Variants in RNF180 observed in about 807,000 individuals in gnomAD.
The protein encoded by RNF180 is E3 ubiquitin-protein ligase RNF180.
In RNF180, 38 loss-of-function variants were observed where a neutral mutation model predicts 59.2. The observed-to-expected ratio is 0.64, with a 90% CI of 0.50 to 0.84. The LOEUF (loss-of-function observed/expected upper bound fraction) is 0.84, where lower values mean the gene tolerates loss of function less well. Ranked by LOEUF, RNF180 falls within the 40% of genes least tolerant of loss-of-function variation. The pLI, the probability that RNF180 is intolerant of heterozygous loss-of-function variation, is 0.00. For synonymous variants in RNF180, 262 were observed against 240.3 expected (o/e 1.09, Z -0.84); for missense variants, 705 against 700.9 (o/e 1.01, Z -0.07).
At chr5:64,200,751 GA>G (rs1424672670) in intron 1 of RNF180, 56 bp from the exon 2 acceptor site, 107 of 1,488,522 alleles carry the variant, frequency 7.2e-5, no homozygotes, top group Middle Eastern at 2.1e-4. Context: ...TAAGGATTTA[GA>G]AAGTCCAGTT....
chr5:64,318,009 A>T (rs1260901753), intron 5 of RNF180, among the ~76,000 whole-genome samples: 3 of 152,194 alleles, frequency 2.0e-5, no homozygotes, highest in Non-Finnish European at 4.4e-5. Context: ...AAAGTAAAAA[A>T]CAGAATGGAT....
intron 5 of RNF180, among the ~76,000 whole-genome samples, chr5:64,300,302 T>C (rs1743093325): frequency 6.6e-6 from 1 of 151,836 alleles, no homozygotes; most frequent in Admixed American, 6.6e-5. Flanking sequence ...ATTGCGAAAG[T>C]TAAACCCACA....
intron 5 of RNF180, among the ~76,000 whole-genome samples, chr5:64,232,690 G>A (rs1379517249): frequency 2.0e-5 from 3 of 152,270 alleles, no homozygotes; most frequent in African/African-American, 4.8e-5. Flanking sequence ...ATATTTTTAC[G>A]TGGGAGTCAA....
chr5:64,266,310 G>A (rs1052581783), intron 5 of RNF180, among the ~76,000 whole-genome samples: 15 of 152,092 alleles, frequency 9.9e-5, no homozygotes, highest in African/African-American at 3.6e-4. Context: ...GGGTTGCCAA[G>A]GAAGTTCTGT....
chr5:64,198,878 C>T (rs564319372), intron 1 of RNF180, among the ~76,000 whole-genome samples: 3 of 151,864 alleles, frequency 2.0e-5, no homozygotes, highest in East Asian at 1.9e-4. Flanking sequence ...TGCAGTGGCA[C>T]GATCTCGGCC....
intron 5 of RNF180, among the ~76,000 whole-genome samples, chr5:64,277,493 A>G (rs780796628): frequency 8.5e-5 from 13 of 152,130 alleles, no homozygotes; most frequent in Non-Finnish European, 1.6e-4. Context: ...GGAGTTACCA[A>G]TGTTGCCTCA....
chr5:64,264,160 C>A lies in RNF180; in HGVS notation c.1227+46764C>A, dbSNP rs372211500. ...CTCTTTTCCCTTATTGCCTTCTATC[C>A]AATATACATGTTCTTTGGCAAATGA... On this transcript the variant is annotated intron_variant, in intron 5 of 7. Coordinates refer to ENST00000389100, the MANE Select transcript of RNF180 (RefSeq NM_001113561.2). 3.9e-5 allele frequency among the ~76,000 whole-genome samples: 6 copies of A among 152,060 alleles called. 1 individual carries two copies. In the East Asian group the frequency reaches 7.7e-4, roughly 20 times the overall value.
chr5:64,365,218 T>A, intron 7 of RNF180, among the ~76,000 whole-genome samples: 1 of 151,350 alleles, frequency 6.6e-6, no homozygotes, highest in East Asian at 1.9e-4. Flanking sequence ...ACTCTTCTCA[T>A]TAGTTTCAAA....
intron 5 of RNF180, among the ~76,000 whole-genome samples, chr5:64,234,578 CTTTTTTTTTTTTTTTTTTTTTTTTT>C (rs1171637074): frequency 1.6e-4 from 8 of 48,522 alleles, no homozygotes; most frequent in Non-Finnish European, 2.3e-4. Flanking sequence ...GTTACCCGTT[CTTTTTTTTTTTTTTTTTTTTTTTTT>C]TTTTTTTTTT....
chr5:64,304,207 G>T (rs184264491), intron 5 of RNF180, among the ~76,000 whole-genome samples: 2 of 151,788 alleles, frequency 1.3e-5, no homozygotes, highest in East Asian at 1.9e-4. Flanking sequence ...TCTGCTGGAG[G>T]TGTACAAGGA....
intron 7 of RNF180, among the ~76,000 whole-genome samples, chr5:64,349,031 GCTAAAT>G (rs1745673295): frequency 6.6e-6 from 1 of 152,018 alleles, no homozygotes; most frequent in African/African-American, 2.4e-5. Flanking sequence ...AAAAAAGATT[GCTAAAT>G]AAGTAACCTC....
intron 1 of RNF180, among the ~76,000 whole-genome samples, chr5:64,168,443 A>G (rs1350634686): frequency 1.3e-5 from 2 of 152,222 alleles, no homozygotes; most frequent in South Asian, 4.1e-4. Context: ...GCTTACTTGT[A>G]GGCTGAAGTT....
At chr5:64,169,958 T>C (rs963651149) in intron 1 of RNF180, among the ~76,000 whole-genome samples, 4 of 152,266 alleles carry the variant, frequency 2.6e-5, no homozygotes, top group Admixed American at 2.6e-4. Context: ...CTTGGCAGTG[T>C]TCTCTTTAAT....
chr5:64,362,594 G>A (rs1013482114), intron 7 of RNF180, among the ~76,000 whole-genome samples: 2 of 151,820 alleles, frequency 1.3e-5, no homozygotes, highest in Non-Finnish European at 2.9e-5. Context: ...ATTCCTTTGG[G>A]TATATACCCA....
Position 64,369,872 on chromosome 5 carries a change from A to T in RNF180, c.*58A>T, listed in dbSNP as rs939756221. On this transcript the variant is annotated 3_prime_UTR_variant, in exon 8 of 8. Transcript: ENST00000389100. ...TAAATGATGTAAATAACAATTGCTTAAACATTTTTAAATGTGCTTTGAAGT... is the reference window on the plus strand; with the variant it reads ...TAAATGATGTAAATAACAATTGCTTTAACATTTTTAAATGTGCTTTGAAGT... The T allele has an allele frequency of 2.1e-6, 2 of 973,812 alleles. No homozygotes were observed. The highest frequency in any genetic ancestry group is 1.4e-6 in the Non-Finnish European group (1 of 702,528). 60.3% of individuals were successfully genotyped at this position (973,812 alleles called of 1,614,324 possible). A position where few individuals can be genotyped will look rare whatever the true frequency, so the allele number is the denominator to read the frequency against.
chr5:64,243,731 C>G (rs1463949997), intron 5 of RNF180, among the ~76,000 whole-genome samples: 1 of 152,178 alleles, frequency 6.6e-6, no homozygotes, highest in Admixed American at 6.5e-5. Flanking sequence ...TCACAGTGCT[C>G]AAGCTCTGCT....
intron 5 of RNF180, among the ~76,000 whole-genome samples, chr5:64,265,140 G>C (rs1744582716): frequency 6.6e-6 from 1 of 152,088 alleles, no homozygotes; most frequent in South Asian, 2.1e-4. Context: ...TCTGTCAGAT[G>C]GGTAGATTGC....
At chr5:64,266,673 A>G (rs1744697848) in intron 5 of RNF180, among the ~76,000 whole-genome samples, 1 of 152,210 alleles carries the variant, frequency 6.6e-6, no homozygotes, top group Non-Finnish European at 1.5e-5. Flanking sequence ...AGCAGATTTT[A>G]AAAGAAAATC....
chr5:64,171,633 T>A (rs1252701765), intron 1 of RNF180, among the ~76,000 whole-genome samples: 2 of 152,192 alleles, frequency 1.3e-5, no homozygotes, highest in East Asian at 3.8e-4. Flanking sequence ...TTTATAACAA[T>A]TTTCCCACCA....
Sources: allele counts gnomAD v4.1 joint callset (sites outside exome capture counted in the v4.1 genomes callset), GRCh38; gene constraint gnomAD v4.1.1; transcripts MANE v1.5; gene names NCBI Gene and HGNC (gene_info 2026-07-23, HGNC 2026-07-21).